SLC44A5: variants seen among roughly 807,000 people sequenced by gnomAD.
SLC44A5 encodes the protein choline transporter-like protein 5.
A neutral mutation model predicts 101.8 loss-of-function variants in SLC44A5; 57 were observed. The observed-to-expected ratio is 0.56, with a 90% CI of 0.45 to 0.70. SLC44A5 has a LOEUF of 0.70. SLC44A5 is among the 30% of genes least tolerant of loss of function. The probability of loss-of-function intolerance (pLI) is 0.00; values close to 1 mark genes in which losing one functional copy is unlikely to be tolerated. For synonymous variants in SLC44A5, 281 were observed against 290.9 expected (o/e 0.97, Z 0.35); for missense variants, 737 against 853.1 (o/e 0.86, Z 1.70).
chr1:75,680,785 GAC>G, the SLC44A5 span, among the ~76,000 whole-genome samples: 6,584 of 150,848 alleles, frequency 0.044, 187 homozygotes, highest in African/African-American at 0.091. Flanking sequence ...AGGAAATAGA[GAC>G]ACAAAAAACC....
At chr1:75,242,207 T>G (rs1192820933) in intron 8 of SLC44A5, 146 bp from the exon 9 acceptor site, 5 of 593,126 alleles carry the variant, frequency 8.4e-6, no homozygotes, top group African/African-American at 3.8e-5. Flanking sequence ...ATTGTAAGAT[T>G]ATCACACACA....
At chr1:75,398,468 G>T in intron 2 of SLC44A5, 2 of 864,690 alleles carry the variant, frequency 2.3e-6, no homozygotes, top group Non-Finnish European at 2.8e-6. Context: ...TAATGTAGGT[G>T]TTTCACAGAT....
At chr1:75,547,309 T>A (rs1039764727) in intron 1 of SLC44A5, among the ~76,000 whole-genome samples, 5 of 152,044 alleles carry the variant, frequency 3.3e-5, no homozygotes, top group African/African-American at 1.2e-4. Context: ...GTCTGAAAAA[T>A]TATAGATGAG....
chr1:75,688,147 C>A, the SLC44A5 span, among the ~76,000 whole-genome samples: 1 of 152,182 alleles, frequency 6.6e-6, no homozygotes, highest in Admixed American at 6.5e-5. Context: ...ATGCCACAGT[C>A]TTTCCTGACA....
In SLC44A5 at chr1:75,219,228, A is replaced by C; in HGVS notation, c.1266+29T>G. On this transcript the variant is annotated intron_variant, in intron 16 of 23. Transcript: ENST00000370859. ...TTGCAGCAGAAGTCTATATTGAAGT[A>C]AGTAAATGAAAGAGTTTCTTGTACT... is the stretch of plus-strand genomic sequence containing the variant. 4 of 1,404,894 alleles carry C rather than the reference A, an allele frequency of 2.8e-6. No individual in the cohort carries two copies. In the South Asian group the frequency reaches 4.6e-5, roughly 16 times the overall value. 87.0% of individuals were successfully genotyped at this position (1,404,894 alleles called of 1,614,324 possible).
At chr1:75,641,758 C>T in the SLC44A5 span, 12 of 1,579,700 alleles carry the variant, frequency 7.6e-6, no homozygotes, top group Non-Finnish European at 1.0e-5. Context: ...CATAGGCAAC[C>T]ACTTTGTCCA....
chr1:75,681,580 A>G, the SLC44A5 span, among the ~76,000 whole-genome samples: 12 of 151,342 alleles, frequency 7.9e-5, no homozygotes, highest in Non-Finnish European at 1.8e-4. Flanking sequence ...AAAACTCTCA[A>G]TAAATTAGGT....
chr1:75,604,756 G>GGTGTGT (rs141120401), intron 1 of SLC44A5, among the ~76,000 whole-genome samples: 2 of 86,158 alleles, frequency 2.3e-5, no homozygotes, highest in African/African-American at 6.9e-5. Context: ...GAAACCAAGG[G>GGTGTGT]GTGTGTGTGT....
intron 18 of SLC44A5, among the ~76,000 whole-genome samples, chr1:75,216,192 G>A (rs964146807): frequency 5.3e-5 from 8 of 151,850 alleles, no homozygotes; most frequent in Non-Finnish European, 1.0e-4. Flanking sequence ...CTTCTCCTAG[G>A]TGCTTCAAAT....
the SLC44A5 span, among the ~76,000 whole-genome samples, chr1:75,682,284 C>T: frequency 6.6e-6 from 1 of 152,084 alleles, no homozygotes; most frequent in Non-Finnish European, 1.5e-5. Context: ...CAAAAAAGAG[C>T]CCGCATTGCC....
At chr1:75,394,160 G>A (rs1227848156) in intron 3 of SLC44A5, among the ~76,000 whole-genome samples, 2 of 152,150 alleles carry the variant, frequency 1.3e-5, no homozygotes, top group Non-Finnish European at 2.9e-5. Context: ...ACCCAGGAGA[G>A]TGTGGTATCT....
At chr1:75,292,431 C>A (rs1213320330) in intron 5 of SLC44A5, among the ~76,000 whole-genome samples, 2 of 151,870 alleles carry the variant, frequency 1.3e-5, no homozygotes, top group Non-Finnish European at 2.9e-5. Flanking sequence ...GTTTTTCTGG[C>A]CAAAGAATGA....
chr1:75,424,820 T>C (rs1664212079), intron 2 of SLC44A5, among the ~76,000 whole-genome samples: 1 of 152,206 alleles, frequency 6.6e-6, no homozygotes, highest in South Asian at 2.1e-4. Flanking sequence ...TATCTCAATA[T>C]AATTTCTTCT....
chr1:75,273,018 G>A (rs1293595239), intron 6 of SLC44A5, among the ~76,000 whole-genome samples: 1 of 152,076 alleles, frequency 6.6e-6, no homozygotes, highest in African/African-American at 2.4e-5. Flanking sequence ...ATGAGCATAG[G>A]ATGGGTTTCC....
chr1:75,684,466 A>T, the SLC44A5 span, among the ~76,000 whole-genome samples: 1 of 152,142 alleles, frequency 6.6e-6, no homozygotes, highest in African/African-American at 2.4e-5. Context: ...CCATGAAATC[A>T]AAGCAAGTTA....
chr1:75,344,727 T>C (rs1178900897), intron 3 of SLC44A5, among the ~76,000 whole-genome samples: 1 of 152,134 alleles, frequency 6.6e-6, no homozygotes, highest in Admixed American at 6.6e-5. Context: ...GGATCTCCCC[T>C]GGACATCCTG....
intron 1 of SLC44A5, among the ~76,000 whole-genome samples, chr1:75,565,162 C>G (rs1672726430): frequency 6.6e-6 from 1 of 152,202 alleles, no homozygotes; most frequent in Admixed American, 6.5e-5. Context: ...AAAACCATCA[C>G]TATGCCAGCC....
chr1:75,524,942 T>C (rs1179041325), intron 2 of SLC44A5, among the ~76,000 whole-genome samples: 2 of 152,194 alleles, frequency 1.3e-5, no homozygotes, highest in African/African-American at 2.4e-5. Flanking sequence ...AAATTGCCTA[T>C]AATTTTTTTA....
the SLC44A5 span, chr1:75,709,962 A>G: frequency 5.3e-5 from 8 of 152,250 alleles, no homozygotes; most frequent in African/African-American, 1.9e-4. Flanking sequence ...ACATGAATGA[A>G]TCTTAAAATT....
Sources: allele counts gnomAD v4.1 joint callset (sites outside exome capture counted in the v4.1 genomes callset), GRCh38; gene constraint gnomAD v4.1.1; transcripts MANE v1.5; gene names NCBI Gene and HGNC (gene_info 2026-07-23, HGNC 2026-07-21).